Variants in HAGH observed in about 807,000 individuals in gnomAD.
HAGH encodes the protein hydroxyacylglutathione hydrolase, mitochondrial.
Under a neutral mutation model 35.1 loss-of-function variants are expected in HAGH, and 29 were observed. The observed-to-expected ratio is 0.83, with a 90% CI of 0.62 to 1.13. HAGH has a LOEUF of 1.13. Among genes scored for constraint, HAGH ranks in the 50% most tolerant of loss-of-function variants. The pLI is 0.00. For missense variants in HAGH, 478 were observed against 419.6 expected (o/e 1.14, Z -1.22); for synonymous variants, 225 against 176.1 (o/e 1.28, Z -2.20).
chr16:1,823,381 T>TGC, intron 1 of HAGH, among the ~76,000 whole-genome samples: 1 of 151,714 alleles, frequency 6.6e-6, no homozygotes, highest in South Asian at 2.1e-4. Context: ...CGTTCTCCTG[T>TGC]CTCAGCCTCC....
At chr16:1,820,103 T>C in intron 3 of HAGH, 89 bp from the exon 4 acceptor site, 1 of 764,514 alleles carries the variant, frequency 1.3e-6, no homozygotes, top group South Asian at 1.5e-5. Context: ...GCTGAGGGGC[T>C]GCCTGCTGCT....
chr16:1,826,323 G>T (rs1185358911), intron 1 of HAGH, among the ~76,000 whole-genome samples: 1 of 150,664 alleles, frequency 6.6e-6, no homozygotes, highest in Non-Finnish European at 1.5e-5. Context: ...GGTCCTTGCA[G>T]CGGGGCAGCA....
chr16:1,823,259 T>C (rs936789430), intron 1 of HAGH, among the ~76,000 whole-genome samples: 2 of 139,542 alleles, frequency 1.4e-5, no homozygotes, highest in Non-Finnish European at 3.1e-5. Flanking sequence ...TAGCAAGACC[T>C]TGTCTTTTTT....
At chr16:1,824,539 C>G (rs557982183) in intron 1 of HAGH, among the ~76,000 whole-genome samples, 1 of 151,678 alleles carries the variant, frequency 6.6e-6, no homozygotes, top group South Asian at 2.1e-4. Context: ...CCTTCAGTTC[C>G]GCTCTACACG....
intron 5 of HAGH, 121 bp downstream of exon 5, chr16:1,818,994 C>G: frequency 1.5e-6 from 1 of 666,004 alleles, no homozygotes; most frequent in Admixed American, 2.3e-5. Context: ...AGCACCCACC[C>G]CTGGGCCCCC....
At chr16:1,823,469 G>T (rs1898248668) in intron 1 of HAGH, among the ~76,000 whole-genome samples, 1 of 151,832 alleles carries the variant, frequency 6.6e-6, no homozygotes, top group Non-Finnish European at 1.5e-5. Flanking sequence ...GGGTTTCATG[G>T]TGTTAGCCAG....
At chr16:1,824,617 T>A (rs1011664861) in intron 1 of HAGH, among the ~76,000 whole-genome samples, 26 of 152,144 alleles carry the variant, frequency 1.7e-4, no homozygotes, top group African/African-American at 5.8e-4. Context: ...CAGGGGCTTC[T>A]CCCAAAAGGG....
chr16:1,827,164 G>C (rs559334672), upstream of HAGH: 1 of 1,531,796 alleles, frequency 6.5e-7, no homozygotes, highest in Non-Finnish European at 8.8e-7. Context: ...CGAGGCAGTT[G>C]GTCCTCTCCG....
chr16:1,808,585 C>T lies in HAGH; in HGVS notation c.*698G>A, dbSNP rs1178991382. On this transcript the variant is annotated 3_prime_UTR_variant, in exon 9 of 9. Coordinates refer to ENST00000397356, the MANE Select transcript of HAGH (RefSeq NM_005326.6). ...AAAGTGCTGGGATCACAGGCTTAGC[C>T]ACCACGCCCAGCCCTAAATTTCAGA... 6.7e-6 allele frequency: 1 copy of T among 149,754 alleles called. No homozygotes were observed. Among genetic ancestry groups the T allele is most frequent in the Non-Finnish European group, 1.5e-5 (1 of 67,634 alleles). 9.3% of individuals were successfully genotyped at this position (149,754 alleles called of 1,614,324 possible).
intron 7 of HAGH, among the ~76,000 whole-genome samples, chr16:1,813,603 G>T (rs1897758633): frequency 6.6e-6 from 1 of 152,170 alleles, no homozygotes. Context: ...TAGATGGAAA[G>T]CTCACAGAAA....
chr16:1,809,015 G>A lies in HAGH; in HGVS notation c.*268C>T. 1 of 468,046 alleles carries A rather than the reference G, an allele frequency of 2.1e-6. No homozygotes were observed. Among genetic ancestry groups the A allele is most frequent in the East Asian group, 3.5e-5 (1 of 28,766 alleles). 29.0% of individuals were successfully genotyped at this position (468,046 alleles called of 1,614,324 possible). ...CGCCTGACCTGAAGCGTGGGTGGGG[G>A]GACTGCAGTGGCTCACGGAGGAGGA... On this transcript the variant is annotated 3_prime_UTR_variant, in exon 9 of 9. Coordinates refer to ENST00000397356, the MANE Select transcript of HAGH (RefSeq NM_005326.6).
Position 1,822,302 on chromosome 16 carries a change from G to GT in HAGH, c.311dup (p.His104GlnfsTer9). Reference sequence around the variant, plus strand: ...CCCAGGTGAGACGCGGCACTTACCAGTGGTGGTGGGTGGTGAGCACTGTGG... The same window carrying GT: ...CCCAGGTGAGACGCGGCACTTACCAGTTGGTGGTGGGTGGTGAGCACTGTGG... On this transcript the variant is annotated frameshift_variant, in exon 3 of 9. Coordinates refer to ENST00000397356, the MANE Select transcript of HAGH (RefSeq NM_005326.6). LOFTEE classifies it high-confidence loss of function. 6.2e-7 allele frequency: 1 copy of GT among 1,605,528 alleles called. No individual in the cohort carries two copies. The highest frequency in any genetic ancestry group is 1.7e-5 in the Admixed American group (1 of 60,022).
rs1047870666 is a variant in HAGH at position 1,809,938 on chromosome 16, T to G, written c.748-105A>C. On this transcript the variant is annotated intron_variant, in intron 7 of 8. Coordinates refer to ENST00000397356, the MANE Select transcript of HAGH (RefSeq NM_005326.6). ...CAGCACTTTGGGAGGCTAAGGCAGATGGATCACTTGAGCCCTGGAGTTTGA... is the reference window on the plus strand; with the variant it reads ...CAGCACTTTGGGAGGCTAAGGCAGAGGGATCACTTGAGCCCTGGAGTTTGA... The G allele has an allele frequency of 4.9e-5, 39 of 791,740 alleles. 1 individual carries two copies. The Middle Eastern group carries it at 1.6e-3, about 32-fold the overall frequency. 49.0% of individuals were successfully genotyped at this position (791,740 alleles called of 1,614,324 possible). A position where few individuals can be genotyped will look rare whatever the true frequency, so the allele number is the denominator to read the frequency against.
At chr16:1,813,093 C>T (rs1170008885) in intron 7 of HAGH, among the ~76,000 whole-genome samples, 2 of 152,236 alleles carry the variant, frequency 1.3e-5, no homozygotes, top group African/African-American at 4.8e-5. Context: ...AACGCATGCT[C>T]AAATCTGATC....
chr16:1,823,357 TC>T (rs1898243056), intron 1 of HAGH, among the ~76,000 whole-genome samples: 1 of 149,362 alleles, frequency 6.7e-6, no homozygotes, highest in South Asian at 2.2e-4. Context: ...AAGCTCCGCC[TC>T]CCAGGTTCAC....
At chr16:1,826,658 T>C (rs1898445594) in intron 1 of HAGH, 54 bp downstream of exon 1, 1 of 963,354 alleles carries the variant, frequency 1.0e-6, no homozygotes, top group Non-Finnish European at 1.2e-6. Flanking sequence ...CGCCGCCCGC[T>C]GCCCGCCCCG....
rs967934311 is a variant in HAGH, at chr16:1,817,237, G to A, written c.576C>T (p.Phe192=). 2 of 1,613,518 alleles carry A rather than the reference G, an allele frequency of 1.2e-6. No homozygotes were observed. The highest frequency in any genetic ancestry group is 1.7e-6 in the Non-Finnish European group (2 of 1,179,450). The change falls in exon 6 of 9, where the codon TTC becomes TTT. Residue 192 remains phenylalanine (F), a synonymous_variant. Transcript: ENST00000397356. ...ACATCTCATCCGCAGTCCCTTCATA[G>A]AACTTCCCGCAGCCAGCCACAAACA... ...DTLFVAGCGK[F]YEGTADEMCK... is the part of the protein sequence containing the mutation.
chr16:1,815,319 A>G (rs901777420), intron 7 of HAGH, among the ~76,000 whole-genome samples: 6 of 152,102 alleles, frequency 3.9e-5, no homozygotes, highest in Non-Finnish European at 4.4e-5. Flanking sequence ...CAGCAATTCC[A>G]CTCTTAGGTA....
Position 1,808,980 on chromosome 16 carries a change from C to T in HAGH, c.*303G>A. ...CACCCAGCCAAGGCCACAGCAAAGG[C>T]ACCGGCTCACGCCTGACCTGAAGCG... On this transcript the variant is annotated 3_prime_UTR_variant, in exon 9 of 9. Coordinates refer to ENST00000397356, the MANE Select transcript of HAGH (RefSeq NM_005326.6). The T allele has an allele frequency of 2.7e-6, 1 of 368,618 alleles. No homozygotes were observed. The highest frequency in any genetic ancestry group is 5.0e-6 in the Non-Finnish European group (1 of 201,948). The allele number at this position is 368,618 out of a possible 1,614,324, so 22.8% of individuals were successfully genotyped here.
Sources: gnomAD v4.1 joint callset for allele counts (sites outside exome capture counted in the v4.1 genomes callset) on GRCh38, gnomAD v4.1.1 for gene constraint, MANE v1.5 for transcripts, NCBI Gene and HGNC (gene_info 2026-07-23, HGNC 2026-07-21) for gene names.